The following ZNF365 variants were observed in gnomAD, a reference collection of about 807,000 sequenced individuals.
ZNF365 encodes zinc finger protein 365, also known as protein ZNF365.
In ZNF365, 22 loss-of-function variants were observed where a neutral mutation model predicts 35.0. The observed-to-expected ratio is 0.63, with a 90% CI of 0.45 to 0.90. The LOEUF (loss-of-function observed/expected upper bound fraction) is 0.90. ZNF365 is among the 40% of genes least tolerant of loss of function. The pLI is 0.00. For missense variants in ZNF365, 448 were observed against 500.3 expected (o/e 0.90, Z 1.00); for synonymous variants, 188 against 196.2 (o/e 0.96, Z 0.35).
At chr10:62,425,264 T>C (rs182241557) in intron 3 of ZNF365, among the ~76,000 whole-genome samples, 424 of 152,278 alleles carry the variant, frequency 2.8e-3, no homozygotes, top group African/African-American at 9.6e-3. Context: ...TAAGAAAAGG[T>C]TGATAAATTT....
At chr10:62,466,782 A>C (rs527592939) in intron 4 of ZNF365, among the ~76,000 whole-genome samples, 1 of 152,052 alleles carries the variant, frequency 6.6e-6, no homozygotes, top group Non-Finnish European at 1.5e-5. Context: ...TGCTAACCTT[A>C]TAAGAGTCTG....
At chr10:62,439,410 C>T (rs1199375883) in intron 3 of ZNF365, among the ~76,000 whole-genome samples, 1 of 151,582 alleles carries the variant, frequency 6.6e-6, no homozygotes, top group African/African-American at 2.4e-5. Context: ...AATGTTGACT[C>T]ACTACCTAAC....
intron 3 of ZNF365, among the ~76,000 whole-genome samples, chr10:62,445,260 G>A (rs1321816207): frequency 6.6e-6 from 1 of 151,310 alleles, no homozygotes; most frequent in Non-Finnish European, 1.5e-5. Flanking sequence ...CTTTATAGCA[G>A]CATGATTTAT....
chr10:62,424,551 A>C (rs1161070032), intron 3 of ZNF365, among the ~76,000 whole-genome samples: 1 of 152,220 alleles, frequency 6.6e-6, no homozygotes, highest in South Asian at 2.1e-4. Flanking sequence ...ACCACTGATC[A>C]CAAAACACCT....
intron 3 of ZNF365, among the ~76,000 whole-genome samples, chr10:62,418,328 C>G (rs917869609): frequency 6.6e-6 from 1 of 151,874 alleles, no homozygotes; most frequent in Non-Finnish European, 1.5e-5. Flanking sequence ...GCTTATTTAC[C>G]CTTCTAATGG....
intron 4 of ZNF365, among the ~76,000 whole-genome samples, chr10:62,468,214 G>A (rs1253898825): frequency 1.3e-5 from 2 of 152,038 alleles, no homozygotes; most frequent in Non-Finnish European, 2.9e-5. Context: ...CACCACCTTA[G>A]TATACAGTCA....
chr10:62,441,908 A>G (rs1464409953), intron 3 of ZNF365, among the ~76,000 whole-genome samples: 2 of 152,196 alleles, frequency 1.3e-5, no homozygotes, highest in African/African-American at 4.8e-5. Context: ...ATAGATGGTG[A>G]TTATAAGATT....
chr10:62,463,718 G>T (rs1447258238), intron 4 of ZNF365, among the ~76,000 whole-genome samples: 2 of 152,186 alleles, frequency 1.3e-5, no homozygotes, highest in Non-Finnish European at 2.9e-5. Flanking sequence ...ATCCCTTTGG[G>T]CTTTGCAAAA....
intron 3 of ZNF365, 34 bp downstream of exon 3, chr10:62,388,610 A>C (rs2893897): frequency 6.2e-7 from 1 of 1,610,434 alleles, no homozygotes; most frequent in Non-Finnish European, 8.5e-7. Flanking sequence ...CGAGTGTAAG[A>C]TCCCTGTGGT....
intron 4 of ZNF365, among the ~76,000 whole-genome samples, chr10:62,471,042 T>C (rs1381002514): frequency 6.6e-6 from 1 of 152,118 alleles, no homozygotes; most frequent in Non-Finnish European, 1.5e-5. Flanking sequence ...ATATGTCTGG[T>C]ATTTAATTTA....
chr10:62,379,593 T>C (rs72829041), intron 2 of ZNF365, among the ~76,000 whole-genome samples: 14,871 of 152,088 alleles, frequency 0.098, 941 homozygotes, highest in African/African-American at 0.18. Flanking sequence ...GGTCTAAGAA[T>C]GGGACTGTGG....
At chr10:62,454,986 G>A (rs1840740073) in intron 3 of ZNF365, among the ~76,000 whole-genome samples, 2 of 152,202 alleles carry the variant, frequency 1.3e-5, no homozygotes, top group Admixed American at 1.3e-4. Flanking sequence ...AGAAGGGGTA[G>A]AAGAATGTTC....
At chr10:62,479,088 T>C (rs1244279091) in intron 4 of ZNF365, among the ~76,000 whole-genome samples, 1 of 152,224 alleles carries the variant, frequency 6.6e-6, no homozygotes, top group Non-Finnish European at 1.5e-5. Flanking sequence ...CTTAATCTCT[T>C]CTCCCTGAGT....
chr10:62,471,365 CA>C (rs768258691), intron 4 of ZNF365, among the ~76,000 whole-genome samples: 1,914 of 81,110 alleles, frequency 0.024, 13 homozygotes, highest in Middle Eastern at 0.081. Context: ...GACTCTGTCT[CA>C]AAAAAAAAAA....
At chr10:62,431,847 G>C (rs990289203) in intron 3 of ZNF365, among the ~76,000 whole-genome samples, 1 of 151,032 alleles carries the variant, frequency 6.6e-6, no homozygotes, top group African/African-American at 2.4e-5. Flanking sequence ...GTTTTTGTTT[G>C]TTTGTTTGTT....
At chr10:62,374,796 A>C (rs1839286886) in intron 1 of ZNF365, among the ~76,000 whole-genome samples, 1 of 152,080 alleles carries the variant, frequency 6.6e-6, no homozygotes, top group Non-Finnish European at 1.5e-5. Context: ...GGAGTGTGTG[A>C]TTACCCATTT....
intron 2 of ZNF365, among the ~76,000 whole-genome samples, chr10:62,383,556 A>C (rs1055013822): frequency 2.6e-5 from 4 of 152,232 alleles, no homozygotes; most frequent in Admixed American, 6.5e-5. Flanking sequence ...TGGTTTGTTG[A>C]TAGTAGATTA....
At chr10:62,422,661 T>G (rs946079098) in intron 3 of ZNF365, among the ~76,000 whole-genome samples, 3 of 152,164 alleles carry the variant, frequency 2.0e-5, no homozygotes, top group African/African-American at 4.8e-5. Flanking sequence ...CTGAAAATGA[T>G]CATTTATTCA....
chr10:62,472,730 C>T (rs1841063124), intron 4 of ZNF365, among the ~76,000 whole-genome samples: 1 of 152,160 alleles, frequency 6.6e-6, no homozygotes, highest in Non-Finnish European at 1.5e-5. Context: ...CCCTAGCAAA[C>T]TAATATACTT....
Sources: allele counts gnomAD v4.1 joint callset (sites outside exome capture counted in the v4.1 genomes callset), GRCh38; gene constraint gnomAD v4.1.1; transcripts MANE v1.5; gene names NCBI Gene and HGNC (gene_info 2026-07-23, HGNC 2026-07-21).